The following VPS54 variants were observed in gnomAD, a reference collection of about 807,000 sequenced individuals.
VPS54 encodes the protein vacuolar protein sorting-associated protein 54.
Under a neutral mutation model 121.5 loss-of-function variants are expected in VPS54, and 45 were observed. That is an observed-to-expected ratio of 0.37 (90% CI 0.29 to 0.47). The LOEUF is 0.47. Among genes scored for constraint, VPS54 ranks in the 20% least tolerant of loss-of-function variants. The probability of loss-of-function intolerance (pLI) is 0.99; values close to 1 mark genes in which losing one functional copy is unlikely to be tolerated. For missense variants in VPS54, 1,090 were observed against 1,131.4 expected (o/e 0.96, Z 0.52); for synonymous variants, 371 against 385.8 (o/e 0.96, Z 0.45).
intron 7 of VPS54, among the ~76,000 whole-genome samples, chr2:63,952,616 A>G (rs903474873): frequency 1.3e-5 from 2 of 152,310 alleles, no homozygotes; most frequent in East Asian, 3.9e-4. Context: ...AGGAGTAGTG[A>G]TAATTATGAA....
At chr2:63,905,878 C>A (rs1161577028) in intron 20 of VPS54, among the ~76,000 whole-genome samples, 1 of 152,084 alleles carries the variant, frequency 6.6e-6, no homozygotes, top group Non-Finnish European at 1.5e-5. Context: ...TAAAGGCAAT[C>A]CTAAAATATT....
chr2:64,012,800 C>T (rs115964734), intron 1 of VPS54, among the ~76,000 whole-genome samples: 1,863 of 152,234 alleles, frequency 0.012, 15 homozygotes, highest in Non-Finnish European at 0.014. Flanking sequence ...GGCAAACCTC[C>T]GTTCTCTTTT....
At chr2:63,930,227 C>A (rs1422195401) in intron 12 of VPS54, among the ~76,000 whole-genome samples, 6 of 152,128 alleles carry the variant, frequency 3.9e-5, no homozygotes, top group African/African-American at 1.4e-4. Context: ...GAATTTTAGG[C>A]CAATATCCCT....
intron 1 of VPS54, among the ~76,000 whole-genome samples, chr2:64,014,633 C>G (rs982493108): frequency 2.7e-4 from 28 of 105,626 alleles, no homozygotes; most frequent in Non-Finnish European, 5.3e-4. Flanking sequence ...TTACTATCTA[C>G]ATTCCTGCCT....
intron 12 of VPS54, among the ~76,000 whole-genome samples, chr2:63,928,175 ACTT>A (rs1174296620): frequency 6.6e-6 from 1 of 152,212 alleles, no homozygotes; most frequent in Non-Finnish European, 1.5e-5. Flanking sequence ...CCACAAAGAT[ACTT>A]CTTGAGAAGA....
chr2:64,012,027 G>A (rs1356074997), intron 1 of VPS54, among the ~76,000 whole-genome samples: 1 of 152,120 alleles, frequency 6.6e-6, no homozygotes, highest in Non-Finnish European at 1.5e-5. Flanking sequence ...CAGGGTTTAT[G>A]ATTACTATAA....
chr2:63,985,333 T>A lies in VPS54; in HGVS notation c.-20-1314A>T, dbSNP rs1676998258. ...GACCCCGTCTCAAACAAACAAACAATAAATAAAAAATAAGGAGCAGAGATA... is the reference window on the plus strand; with the variant it reads ...GACCCCGTCTCAAACAAACAAACAAAAAATAAAAAATAAGGAGCAGAGATA... On this transcript the variant is annotated intron_variant, in intron 1 of 22. Coordinates refer to ENST00000272322, the MANE Select transcript of VPS54 (RefSeq NM_016516.3). Among the ~76,000 whole-genome samples the A allele has an allele frequency of 2.0e-5, 3 of 151,446 alleles. No individual in the cohort carries two copies. In the East Asian group the frequency reaches 5.8e-4, roughly 29 times the overall value.
intron 7 of VPS54, among the ~76,000 whole-genome samples, chr2:63,953,554 T>C (rs1675356844): frequency 6.6e-6 from 1 of 152,190 alleles, no homozygotes; most frequent in East Asian, 1.9e-4. Context: ...GAGTCAACAT[T>C]TGCCCTCTTG....
chr2:63,967,921 G>A (rs1676085922), intron 5 of VPS54, among the ~76,000 whole-genome samples: 2 of 151,948 alleles, frequency 1.3e-5, no homozygotes. Context: ...ATGGGAAGAT[G>A]AGGGAAAAGT....
chr2:63,978,539 G>A (rs1239352460), intron 3 of VPS54, among the ~76,000 whole-genome samples: 2 of 152,234 alleles, frequency 1.3e-5, no homozygotes, highest in Non-Finnish European at 1.5e-5. Flanking sequence ...GTGAAGCCAT[G>A]TGGATCTGAG....
chr2:63,948,727 C>T (rs982436890), intron 8 of VPS54, among the ~76,000 whole-genome samples: 1 of 152,108 alleles, frequency 6.6e-6, no homozygotes, highest in Non-Finnish European at 1.5e-5. Context: ...AAAAGACAAG[C>T]TCCAGCACTC....
chr2:63,920,591 T>G lies in VPS54; in HGVS notation c.1906A>C (p.Ile636Leu), dbSNP rs747320667. 1 of 1,540,310 alleles carries G rather than the reference T, an allele frequency of 6.5e-7. No individual in the cohort carries two copies. Among genetic ancestry groups the G allele is most frequent in the Admixed American group, 2.0e-5 (1 of 49,874 alleles). ...FLEKLNSMEFITLSRLMETFI... is the reference protein window; with the variant it reads ...FLEKLNSMEFLTLSRLMETFI... ...GTTTCCATTAATCTAGAAAGTGTTA[T>G]GAATTCCATGGAATTTAGCTTCTCA... is the stretch of plus-strand genomic sequence containing the variant. Residue 636 changes from isoleucine (I) to leucine (L), a missense_variant, in exon 14 of 23, where the codon ATA becomes CTA. Ile to Leu is a conservative substitution (Grantham distance 5). Coordinates refer to ENST00000272322, the MANE Select transcript of VPS54 (RefSeq NM_016516.3).
At chr2:63,958,541 T>G (rs1163306072) in intron 7 of VPS54, among the ~76,000 whole-genome samples, 1 of 152,074 alleles carries the variant, frequency 6.6e-6, no homozygotes, top group African/African-American at 2.4e-5. Context: ...CAGCAAGACC[T>G]TATCTCTACA....
intron 11 of VPS54, among the ~76,000 whole-genome samples, chr2:63,936,031 A>G (rs1197643070): frequency 1.3e-5 from 2 of 152,226 alleles, no homozygotes; most frequent in African/African-American, 4.8e-5. Context: ...AATTGGAAAC[A>G]GAGAAACTAA....
At chr2:63,919,694 A>G (rs895706572) in intron 15 of VPS54, among the ~76,000 whole-genome samples, 189 bp downstream of exon 15, 1 of 152,124 alleles carries the variant, frequency 6.6e-6, no homozygotes, top group Non-Finnish European at 1.5e-5. Context: ...GCATATGGTT[A>G]TAACACGCAA....
At chr2:64,015,442 C>CA (rs1198447866) in intron 1 of VPS54, among the ~76,000 whole-genome samples, 1 of 152,086 alleles carries the variant, frequency 6.6e-6, no homozygotes, top group Non-Finnish European at 1.5e-5. Flanking sequence ...ACTATTCTCC[C>CA]ACCTGGTAGG....
chr2:64,006,865 C>T (rs773193189), intron 1 of VPS54, among the ~76,000 whole-genome samples: 11 of 152,242 alleles, frequency 7.2e-5, no homozygotes, highest in Non-Finnish European at 1.3e-4. Context: ...GTGATCCACC[C>T]GCCTTGGCCT....
At chr2:63,976,093 A>G (rs905175485) in intron 3 of VPS54, among the ~76,000 whole-genome samples, 1 of 152,158 alleles carries the variant, frequency 6.6e-6, no homozygotes, top group African/African-American at 2.4e-5. Context: ...CTTTTTTTAA[A>G]AATAATGAAT....
chr2:63,938,059 G>GTGTGTGGTGTGTGTGTGT (rs9309357), intron 11 of VPS54, among the ~76,000 whole-genome samples: 1 of 140,384 alleles, frequency 7.1e-6, no homozygotes, highest in Non-Finnish European at 1.5e-5. Context: ...TGGTGTGTGT[G>GTGTGTGGTGTGTGTGTGT]GTGTGTGTGT....
Sources: allele counts gnomAD v4.1 joint callset (sites outside exome capture counted in the v4.1 genomes callset), GRCh38; gene constraint gnomAD v4.1.1; transcripts MANE v1.5; gene names NCBI Gene and HGNC (gene_info 2026-07-23, HGNC 2026-07-21).